Variants in NCOR1 observed in about 807,000 individuals in gnomAD.
The protein encoded by NCOR1 is protein phosphatase 1, regulatory subunit 109.
Under a neutral mutation model 288.1 loss-of-function variants are expected in NCOR1, and 63 were observed. The ratio of observed to expected loss-of-function variants is 0.22; its 90% CI spans 0.18 to 0.27. The LOEUF (loss-of-function observed/expected upper bound fraction) is 0.27. NCOR1 is among the 10% of genes least tolerant of loss of function. NCOR1 has a pLI of 1.00. For synonymous variants in NCOR1, 1,007 were observed against 1,065.9 expected, an observed-to-expected ratio of 0.94 and a Z score of 1.08; for missense variants, 2,397 against 3,019.2, an observed-to-expected ratio of 0.79 and a Z score of 4.83.
intron 6 of NCOR1, among the ~76,000 whole-genome samples, chr17:16,157,034 TC>T (rs2079923496): frequency 6.6e-6 from 1 of 151,822 alleles, no homozygotes; most frequent in Admixed American, 6.6e-5. Flanking sequence ...CACCACTAAT[TC>T]CTATTTATTT....
intron 14 of NCOR1, among the ~76,000 whole-genome samples, chr17:16,127,555 GTGTATATA>G (rs2074734589): frequency 7.1e-6 from 1 of 139,946 alleles, no homozygotes; most frequent in Non-Finnish European, 1.5e-5. Flanking sequence ...ATATACACAT[GTGTATATA>G]TGTATGTATA....
intron 21 of NCOR1, among the ~76,000 whole-genome samples, chr17:16,092,666 TA>T (rs1567956970): frequency 1.0e-3 from 15 of 14,306 alleles, no homozygotes; most frequent in African/African-American, 3.2e-3. Flanking sequence ...TATATATATA[TA>T]TATATATATA....
At chr17:16,183,670 T>A (rs183072334) in intron 3 of NCOR1, among the ~76,000 whole-genome samples, 2 of 152,132 alleles carry the variant, frequency 1.3e-5, no homozygotes, top group East Asian at 3.9e-4. Context: ...CAAAGAAATA[T>A]ACAGTACAGA....
intron 15 of NCOR1, among the ~76,000 whole-genome samples, chr17:16,121,616 C>G (rs770787876): frequency 3.3e-5 from 5 of 152,166 alleles, no homozygotes; most frequent in Non-Finnish European, 5.9e-5. Flanking sequence ...CACCAAAAGG[C>G]AGGAATTCTG....
At chr17:16,057,801 T>A in intron 39 of NCOR1, 64 bp from the exon 40 acceptor site, 1 of 1,507,708 alleles carries the variant, frequency 6.6e-7, no homozygotes, top group African/African-American at 1.4e-5. Flanking sequence ...AAAATAGTAT[T>A]AAGAAATCTA....
intron 5 of NCOR1, among the ~76,000 whole-genome samples, chr17:16,164,071 G>A (rs2081476957): frequency 6.6e-6 from 1 of 152,048 alleles, no homozygotes; most frequent in South Asian, 2.1e-4. Context: ...AGAGAGTGGT[G>A]ATAGCTGTAC....
intron 21 of NCOR1, among the ~76,000 whole-genome samples, chr17:16,092,691 ATATATTTTTTT>A (rs1372059216): frequency 2.5e-3 from 27 of 10,818 alleles, no homozygotes; most frequent in South Asian, 0.013. Flanking sequence ...ATATATATAT[ATATATTTTTTT>A]TTTTTTTTTT....
At position 16,070,335 on chromosome 17, in the gene NCOR1, T is replaced by G. The variant is rs2061603810; in HGVS notation, c.4343A>C (p.His1448Pro). 1.9e-6 allele frequency: 3 copies of G among 1,614,168 alleles called. No individual in the cohort carries two copies. ...VKAGETVRSRHTSVVSSGPSV... is the reference protein window; with the variant it reads ...VKAGETVRSRPTSVVSSGPSV... ...GGGGCCAGAGCTTACCACTGACGTG[T>G]GCCGGGAACGCACGGTCTCGCCTGC... is the stretch of plus-strand genomic sequence containing the variant. The change falls in exon 31 of 46, where the codon CAC becomes CCC. Residue 1448 changes from histidine (H) to proline (P), a missense_variant. Physicochemically the swap from His to Pro is moderately conservative, Grantham distance 77. Coordinates refer to ENST00000268712, the MANE Select transcript of NCOR1 (RefSeq NM_006311.4).
At chr17:16,082,838 A>G (rs994530722) in intron 23 of NCOR1, among the ~76,000 whole-genome samples, 4 of 150,208 alleles carry the variant, frequency 2.7e-5, no homozygotes, top group Admixed American at 6.6e-5. Context: ...CTAAAAAAAT[A>G]TAAGAACTAG....
intron 40 of NCOR1, among the ~76,000 whole-genome samples, chr17:16,056,723 T>C (rs2059970904): frequency 6.6e-6 from 1 of 152,182 alleles, no homozygotes; most frequent in Non-Finnish European, 1.5e-5. Flanking sequence ...TCCACTTTAT[T>C]TTAACCAAAC....
At chr17:16,214,896 C>T (rs540555981) in intron 1 of NCOR1, among the ~76,000 whole-genome samples, 1 of 152,356 alleles carries the variant, frequency 6.6e-6, no homozygotes, top group East Asian at 1.9e-4. Context: ...GAAAGGTGAA[C>T]TAATTTACTC....
intron 1 of NCOR1, among the ~76,000 whole-genome samples, chr17:16,207,863 T>C (rs1249097881): frequency 6.6e-6 from 1 of 151,936 alleles, no homozygotes; most frequent in Non-Finnish European, 1.5e-5. Flanking sequence ...ATTTTGTTCC[T>C]CGAGTACACT....
At position 16,128,715 on chromosome 17, in the gene NCOR1, A is replaced by G. The variant is rs577641486; in HGVS notation, c.1510-2509T>C. Among the ~76,000 whole-genome samples the G allele has an allele frequency of 2.0e-5, 3 of 152,324 alleles. No homozygotes were observed. In the East Asian group the frequency reaches 5.8e-4, roughly 29 times the overall value. ...TTTACCAGACAATATGGAAGTAACT[A>G]ATTAATTTTAAGAAAAATTTCCCTT... On this transcript the variant is annotated intron_variant, in intron 14 of 45. Coordinates refer to ENST00000268712, the MANE Select transcript of NCOR1 (RefSeq NM_006311.4).
At chr17:16,050,741 T>A (rs951911927) in intron 40 of NCOR1, among the ~76,000 whole-genome samples, 20 of 152,218 alleles carry the variant, frequency 1.3e-4, no homozygotes, top group Admixed American at 1.1e-3. Context: ...ATGTTTTTTT[T>A]ATTTATAAAA....
chr17:16,087,298 C>G (rs1343415928), intron 22 of NCOR1: 1 of 1,304,100 alleles, frequency 7.7e-7, no homozygotes. Flanking sequence ...GCTTCCTGTT[C>G]TAGAGCACGT....
In NCOR1 at chr17:16,046,959, G is replaced by A. The variant is rs774474910; in HGVS notation, c.6671C>T (p.Ser2224Phe). The A allele has an allele frequency of 3.2e-5, 51 of 1,613,880 alleles. No individual in the cohort carries two copies. In the South Asian group the frequency reaches 5.1e-4, roughly 16 times the overall value. Residue 2224 changes from serine to phenylalanine, a missense_variant, in exon 42 of 46, where the codon TCT becomes TTT. Ser to Phe is a radical substitution (Grantham distance 155). This residue lies in a region of NCOR1 where 1,872 missense variants were observed against 2,187.8 expected (regional missense o/e 0.86). Transcript: ENST00000268712. ...AAAGAAATCCCACTTACCCATATCA[G>A]AGTCACCTCCACCAGAGGAGTTCAA... is the stretch of plus-strand genomic sequence containing the variant. ...RKLNSSGGGD[S>F]DMAAAQPGTE...
intron 14 of NCOR1, among the ~76,000 whole-genome samples, chr17:16,128,874 C>A (rs548522189): frequency 5.9e-5 from 9 of 152,180 alleles, no homozygotes; most frequent in African/African-American, 2.2e-4. Context: ...ATCCAAGGGG[C>A]AAGGAAAGAA....
At chr17:16,132,822 T>G (rs1378891863) in intron 14 of NCOR1, among the ~76,000 whole-genome samples, 1 of 141,046 alleles carries the variant, frequency 7.1e-6, no homozygotes, top group South Asian at 2.2e-4. Context: ...TGAGATGGAG[T>G]CTTGCTCTGG....
At chr17:16,172,946 C>CT (rs1171999114) in intron 3 of NCOR1, among the ~76,000 whole-genome samples, 1 of 152,042 alleles carries the variant, frequency 6.6e-6, no homozygotes, top group Non-Finnish European at 1.5e-5. Context: ...ATGCTAAATT[C>CT]TTTTTTTGTT....
Sources: allele counts gnomAD v4.1 joint callset (sites outside exome capture counted in the v4.1 genomes callset), GRCh38; gene constraint gnomAD v4.1.1; regional missense constraint gnomAD v4.1.1; transcripts MANE v1.5; gene names NCBI Gene and HGNC (gene_info 2026-07-23, HGNC 2026-07-21).